Variants in SLC25A48 observed in about 807,000 individuals in gnomAD.
SLC25A48 encodes CTC-321K16.1.
In SLC25A48, 29 loss-of-function variants were observed where a neutral mutation model predicts 32.2. The observed-to-expected ratio is 0.90, with a 90% CI of 0.67 to 1.23. The LOEUF is 1.23. SLC25A48 is among the 50% of genes most tolerant of loss of function. SLC25A48 has a pLI of 0.00. For missense variants in SLC25A48, 399 were observed against 422.7 expected, an observed-to-expected ratio of 0.94 and a Z score of 0.49; for synonymous variants, 164 against 172.3, an observed-to-expected ratio of 0.95 and a Z score of 0.38.
At chr5:135,716,734 G>T (rs181721732) in intron 3 of SLC25A48, among the ~76,000 whole-genome samples, 26 of 152,338 alleles carry the variant, frequency 1.7e-4, no homozygotes, top group Non-Finnish European at 2.9e-4. Flanking sequence ...AAGGCGTTGG[G>T]TCTGAAGCCT....
At chr5:135,832,398 A>G (rs1174893130), upstream of SLC25A48, among the ~76,000 whole-genome samples, 1 of 152,204 alleles carries the variant, frequency 6.6e-6, no homozygotes, top group South Asian at 2.1e-4. Context: ...GCAGCAGGTC[A>G]GGCATGGACA....
chr5:135,733,884 G>T (rs753558531), intron 3 of SLC25A48, among the ~76,000 whole-genome samples: 9 of 152,084 alleles, frequency 5.9e-5, no homozygotes, highest in African/African-American at 1.9e-4. Flanking sequence ...TGTGGAGGGA[G>T]GTATTGAGGA....
intron 3 of SLC25A48, among the ~76,000 whole-genome samples, chr5:135,763,976 A>C (rs912865547): frequency 1.3e-5 from 2 of 152,122 alleles, no homozygotes; most frequent in African/African-American, 4.8e-5. Context: ...GGGTTCAAGC[A>C]ATTCTCCTGC....
intron 4 of SLC25A48, among the ~76,000 whole-genome samples, chr5:135,868,403 G>A (rs1410830855): frequency 1.3e-5 from 2 of 152,200 alleles, no homozygotes; most frequent in African/African-American, 4.8e-5. Flanking sequence ...ACTGGATCCT[G>A]TCCTGGAGGG....
intron 3 of SLC25A48, among the ~76,000 whole-genome samples, chr5:135,759,642 C>A (rs1183888289): frequency 6.6e-6 from 1 of 152,078 alleles, no homozygotes; most frequent in East Asian, 1.9e-4. Context: ...ACCAATAGGG[C>A]CCTTGGTCCT....
At chr5:135,841,024 C>G (rs2126699457) in intron 1 of SLC25A48, among the ~76,000 whole-genome samples, 1 of 152,336 alleles carries the variant, frequency 6.6e-6, no homozygotes, top group East Asian at 1.9e-4. Context: ...TATGATTTTA[C>G]ATTTCTACCA....
rs201986500 is a variant in SLC25A48, at chr5:135,603,942, C to G, written c.-849+24345C>G. On this transcript the variant is annotated intron_variant, in intron 1 of 10. Transcript: ENST00000646290. Reference sequence around the variant, plus strand: ...TGTTGGTGTTTCCCCTGCCCCCTTCCCAGGCCAGTGAAATGAGTACAGGGG... The same window carrying G: ...TGTTGGTGTTTCCCCTGCCCCCTTCGCAGGCCAGTGAAATGAGTACAGGGG... 6.8e-4 allele frequency among the ~76,000 whole-genome samples: 104 copies of G among 152,216 alleles called. No individual in the cohort carries two copies. In the East Asian group the frequency reaches 0.01, roughly 15 times the overall value.
intron 4 of SLC25A48, among the ~76,000 whole-genome samples, chr5:135,861,809 A>G (rs991960269): frequency 1.3e-5 from 2 of 152,234 alleles, no homozygotes; most frequent in African/African-American, 4.8e-5. Flanking sequence ...TGAAATTGTT[A>G]TCCAGAAGAG....
At chr5:135,849,803 C>T (rs963706102) in intron 2 of SLC25A48, among the ~76,000 whole-genome samples, 1 of 152,172 alleles carries the variant, frequency 6.6e-6, no homozygotes, top group Non-Finnish European at 1.5e-5. Context: ...TGGGAACATG[C>T]AACTCATGCA....
At chr5:135,799,329 C>G (rs1218049278) in intron 3 of SLC25A48, among the ~76,000 whole-genome samples, 1 of 151,642 alleles carries the variant, frequency 6.6e-6, no homozygotes, top group Non-Finnish European at 1.5e-5. Context: ...TGATATTGTT[C>G]TCTATATCCA....
chr5:135,692,783 G>A (rs1395498517), intron 3 of SLC25A48, among the ~76,000 whole-genome samples: 2 of 152,090 alleles, frequency 1.3e-5, no homozygotes, highest in African/African-American at 4.8e-5. Context: ...TAATAATCTA[G>A]CAATTAAAAT....
At chr5:135,622,800 T>A (rs1332404137) in intron 1 of SLC25A48, among the ~76,000 whole-genome samples, 9 of 152,192 alleles carry the variant, frequency 5.9e-5, no homozygotes, top group Non-Finnish European at 1.3e-4. Context: ...ATAAAACAGA[T>A]GAGACTGGCC....
intron 3 of SLC25A48, among the ~76,000 whole-genome samples, chr5:135,774,791 G>T (rs1756505815): frequency 6.6e-6 from 1 of 151,060 alleles, no homozygotes; most frequent in Non-Finnish European, 1.5e-5. Context: ...AGAAGAAGAT[G>T]ATATTACTCT....
intron 1 of SLC25A48, among the ~76,000 whole-genome samples, chr5:135,590,439 C>A (rs1561748143): frequency 6.6e-6 from 1 of 152,224 alleles, no homozygotes; most frequent in Non-Finnish European, 1.5e-5. Context: ...TCCCTGAGTG[C>A]CTTTGCTCTG....
intron 3 of SLC25A48, among the ~76,000 whole-genome samples, chr5:135,769,278 T>C (rs564543513): frequency 1.3e-5 from 2 of 151,296 alleles, no homozygotes; most frequent in Non-Finnish European, 3.0e-5. Context: ...AGAATGATAT[T>C]ACTGACAGCA....
intron 1 of SLC25A48, among the ~76,000 whole-genome samples, chr5:135,584,468 G>A (rs1751316540): frequency 6.6e-6 from 1 of 152,216 alleles, no homozygotes; most frequent in African/African-American, 2.4e-5. Context: ...CACTCAATGA[G>A]GAAATGTTTA....
chr5:135,873,898 A>G (rs907839638), intron 5 of SLC25A48, 123 bp from the exon 6 acceptor site: 6 of 1,132,798 alleles, frequency 5.3e-6, no homozygotes, highest in Non-Finnish European at 7.1e-6. Flanking sequence ...TGCAGGTTCT[A>G]AGCCTGAGCT....
chr5:135,719,533 C>T (rs1754896826), intron 3 of SLC25A48, among the ~76,000 whole-genome samples: 1 of 152,166 alleles, frequency 6.6e-6, no homozygotes, highest in East Asian at 1.9e-4. Flanking sequence ...ATGCTCCCTA[C>T]ACCAGGGAGG....
At chr5:135,866,972 T>C (rs369263297) in intron 4 of SLC25A48, among the ~76,000 whole-genome samples, 2 of 152,150 alleles carry the variant, frequency 1.3e-5, no homozygotes, top group African/African-American at 2.4e-5. Context: ...GCCCTTGATC[T>C]AGAGAGGCAG....
Sources: allele counts gnomAD v4.1 joint callset (sites outside exome capture counted in the v4.1 genomes callset), GRCh38; gene constraint gnomAD v4.1.1; transcripts MANE v1.5; gene names NCBI Gene and HGNC (gene_info 2026-07-23, HGNC 2026-07-21).